Variants in TWSG1 observed in about 807,000 individuals in gnomAD.
TWSG1 encodes twisted gastrulation protein homolog 1.
A neutral mutation model predicts 23.0 loss-of-function variants in TWSG1; 15 were observed. The observed-to-expected ratio is 0.65, with a 90% CI of 0.44 to 1.00. The LOEUF (loss-of-function observed/expected upper bound fraction) is 1.00. TWSG1 is among the 50% of genes least tolerant of loss of function. The probability of loss-of-function intolerance (pLI) is 0.00; values close to 1 mark genes in which losing one functional copy is unlikely to be tolerated. For synonymous variants in TWSG1, 86 were observed against 92.8 expected (o/e 0.93, Z 0.42); for missense variants, 242 against 278.7 (o/e 0.87, Z 0.94).
chr18:9,375,027 C>T (rs933773476), intron 3 of TWSG1, among the ~76,000 whole-genome samples: 11 of 151,954 alleles, frequency 7.2e-5, no homozygotes, highest in East Asian at 3.9e-4. Flanking sequence ...ATTAGCTGGG[C>T]GTGGTGGCGG....
rs183976377 is a variant in TWSG1 at position 9,347,109 on chromosome 18, A to G, written c.123+9757A>G. Among the ~76,000 whole-genome samples, 337 of 152,274 alleles carry G rather than the reference A, an allele frequency of 2.2e-3. 2 individuals are homozygous for G. Among genetic ancestry groups the G allele is most frequent in the African/African-American group, 7.8e-3 (324 of 41,544 alleles). On this transcript the variant is annotated intron_variant, in intron 2 of 4. Coordinates refer to ENST00000262120, the MANE Select transcript of TWSG1 (RefSeq NM_020648.6). ...GGAGAGCGTCTTATACTTATTTGCC[A>G]TTTGTATACCTTTTTGGGTGAGGTG...
At chr18:9,368,386 A>G in intron 3 of TWSG1, among the ~76,000 whole-genome samples, 1 of 152,050 alleles carries the variant, frequency 6.6e-6, no homozygotes, top group East Asian at 1.9e-4. Context: ...TATTTTTAGG[A>G]GAGATAGGGT....
intron 2 of TWSG1, among the ~76,000 whole-genome samples, chr18:9,340,092 G>T (rs1008219005): frequency 6.6e-6 from 1 of 151,936 alleles, no homozygotes; most frequent in African/African-American, 2.4e-5. Flanking sequence ...GGCTGGGCCG[G>T]GCGCGGTGGC....
At chr18:9,368,391 T>G (rs575817862) in intron 3 of TWSG1, among the ~76,000 whole-genome samples, 46 of 152,214 alleles carry the variant, frequency 3.0e-4, no homozygotes, top group South Asian at 2.5e-3. Context: ...TTAGGAGAGA[T>G]AGGGTTTCGC....
At chr18:9,398,737 G>A (rs1203334093) in intron 4 of TWSG1, among the ~76,000 whole-genome samples, 2 of 152,104 alleles carry the variant, frequency 1.3e-5, no homozygotes, top group Non-Finnish European at 2.9e-5. Flanking sequence ...GGGATTACAG[G>A]CTTGAGCTAC....
chr18:9,397,279 G>A (rs891050902), intron 4 of TWSG1, among the ~76,000 whole-genome samples: 3 of 152,170 alleles, frequency 2.0e-5, no homozygotes, highest in African/African-American at 7.2e-5. Flanking sequence ...CATGAAGTCA[G>A]ATTTTTATAA....
chr18:9,343,246 A>ATC (rs2040455288), intron 2 of TWSG1, among the ~76,000 whole-genome samples: 1 of 30,836 alleles, frequency 3.2e-5, no homozygotes, highest in African/African-American at 1.1e-4. Context: ...ATATATATAT[A>ATC]TATATATATA....
At chr18:9,397,159 T>G (rs980267908) in intron 4 of TWSG1, 6 of 152,448 alleles carry the variant, frequency 3.9e-5, no homozygotes, top group African/African-American at 1.4e-4. Context: ...AGATAATTGT[T>G]CCTAATTCTG....
At chr18:9,391,767 G>T (rs1019886858) in intron 3 of TWSG1, among the ~76,000 whole-genome samples, 1 of 152,210 alleles carries the variant, frequency 6.6e-6, no homozygotes, top group Non-Finnish European at 1.5e-5. Context: ...AATAAGACTT[G>T]CAAGTTGAAA....
intron 3 of TWSG1, among the ~76,000 whole-genome samples, chr18:9,387,519 C>CT (rs1400953335): frequency 6.6e-6 from 1 of 151,964 alleles, no homozygotes; most frequent in Non-Finnish European, 1.5e-5. Flanking sequence ...AATCCCAGCA[C>CT]TTTGGGAGTC....
chr18:9,355,849 A>T (rs1432003262), intron 2 of TWSG1, among the ~76,000 whole-genome samples: 1 of 152,204 alleles, frequency 6.6e-6, no homozygotes, highest in African/African-American at 2.4e-5. Context: ...CCCATCTCCT[A>T]AAAAGAATGC....
chr18:9,346,989 A>G (rs903174596), intron 2 of TWSG1, among the ~76,000 whole-genome samples: 1 of 152,218 alleles, frequency 6.6e-6, no homozygotes, highest in African/African-American at 2.4e-5. Context: ...CCTCACCAGC[A>G]TTTGGTGTTT....
At chr18:9,352,295 T>C (rs2145600784) in intron 2 of TWSG1, among the ~76,000 whole-genome samples, 1 of 152,302 alleles carries the variant, frequency 6.6e-6, no homozygotes, top group African/African-American at 2.4e-5. Context: ...TAGGATTCCT[T>C]TGTGTGGATG....
intron 3 of TWSG1, among the ~76,000 whole-genome samples, chr18:9,385,767 A>G (rs1254125185): frequency 6.6e-6 from 1 of 152,198 alleles, no homozygotes; most frequent in African/African-American, 2.4e-5. Context: ...TATTTAGGAC[A>G]TAAAAGAAAT....
chr18:9,352,385 T>C (rs1710568923), intron 2 of TWSG1, among the ~76,000 whole-genome samples: 1 of 152,190 alleles, frequency 6.6e-6, no homozygotes, highest in Non-Finnish European at 1.5e-5. Context: ...ATGATGTTGA[T>C]ACTTTCCCAT....
At chr18:9,355,104 C>T (rs762608899) in intron 2 of TWSG1, among the ~76,000 whole-genome samples, 4 of 152,130 alleles carry the variant, frequency 2.6e-5, no homozygotes, top group Admixed American at 6.5e-5. Context: ...TACAGGCACC[C>T]GCCACCATGC....
At chr18:9,396,751 A>G (rs2145637133) in intron 4 of TWSG1, 8 of 642,208 alleles carry the variant, frequency 1.2e-5, no homozygotes, top group Non-Finnish European at 1.8e-5. Flanking sequence ...AAATATCTCC[A>G]ATCCTTGAGT....
At chr18:9,372,990 A>T (rs1018494212) in intron 3 of TWSG1, among the ~76,000 whole-genome samples, 1 of 151,692 alleles carries the variant, frequency 6.6e-6, no homozygotes, top group South Asian at 2.1e-4. Flanking sequence ...ACAAGACCCT[A>T]CTGTATGTTA....
chr18:9,357,012 G>T (rs922719142), intron 2 of TWSG1, among the ~76,000 whole-genome samples: 3 of 144,518 alleles, frequency 2.1e-5, no homozygotes, highest in African/African-American at 7.6e-5. Context: ...ATTCTTATCT[G>T]ATGGTGTTTC....
Sources: allele counts gnomAD v4.1 joint callset (sites outside exome capture counted in the v4.1 genomes callset), GRCh38; gene constraint gnomAD v4.1.1; transcripts MANE v1.5; gene names NCBI Gene and HGNC (gene_info 2026-07-23, HGNC 2026-07-21).